The following CORIN variants were observed in gnomAD, a reference collection of about 807,000 sequenced individuals.
CORIN encodes atrial natriuretic peptide-converting enzyme.
In CORIN, 117 loss-of-function variants were observed where a neutral mutation model predicts 125.3. That is an observed-to-expected ratio of 0.93 (90% CI 0.80 to 1.09). CORIN has a LOEUF of 1.09. Ranked by LOEUF, CORIN falls within the 50% of genes least tolerant of loss-of-function variation. The probability of loss-of-function intolerance (pLI) is 0.00; values close to 1 mark genes in which losing one functional copy is unlikely to be tolerated. For missense variants in CORIN, 1,253 were observed against 1,306.7 expected (o/e 0.96, Z 0.63); for synonymous variants, 450 against 466.4 (o/e 0.96, Z 0.45).
At chr4:47,638,336 A>G (rs1723107902) in intron 16 of CORIN, among the ~76,000 whole-genome samples, 1 of 152,132 alleles carries the variant, frequency 6.6e-6, no homozygotes, top group Admixed American at 6.5e-5. Flanking sequence ...GACTACTGGG[A>G]AGGAATGATT....
chr4:47,829,386 C>A (rs184591724), intron 1 of CORIN, among the ~76,000 whole-genome samples: 1 of 152,172 alleles, frequency 6.6e-6, no homozygotes, highest in South Asian at 2.1e-4. Flanking sequence ...ACCTTCTGGA[C>A]CTTCTGGACC....
At chr4:47,817,280 A>G (rs1482779027) in intron 1 of CORIN, among the ~76,000 whole-genome samples, 2 of 121,360 alleles carry the variant, frequency 1.6e-5, no homozygotes, top group African/African-American at 6.8e-5. Flanking sequence ...ACTACTAACT[A>G]TATATATATA....
At chr4:47,725,132 T>G (rs1727530141) in intron 5 of CORIN, among the ~76,000 whole-genome samples, 1 of 152,118 alleles carries the variant, frequency 6.6e-6, no homozygotes, top group Non-Finnish European at 1.5e-5. Flanking sequence ...AAGAAAGACC[T>G]AAATAAATGA....
chr4:47,640,154 A>G (rs1271499020), intron 16 of CORIN, among the ~76,000 whole-genome samples: 1 of 152,202 alleles, frequency 6.6e-6, no homozygotes, highest in Non-Finnish European at 1.5e-5. Flanking sequence ...AAAATACTGA[A>G]GTTTCATTTT....
chr4:47,597,423 A>C (rs1369909701), intron 21 of CORIN, among the ~76,000 whole-genome samples: 1 of 152,036 alleles, frequency 6.6e-6, no homozygotes, highest in African/African-American at 2.4e-5. Context: ...GTAAGTGATG[A>C]TCTTTAAATT....
intron 13 of CORIN, among the ~76,000 whole-genome samples, chr4:47,645,988 G>A (rs1396546820): frequency 7.3e-6 from 1 of 137,926 alleles, no homozygotes; most frequent in Non-Finnish European, 1.5e-5. Flanking sequence ...TCACTCTGTC[G>A]CCCAGGCTGG....
chr4:47,751,053 T>C (rs1444324909), intron 4 of CORIN, among the ~76,000 whole-genome samples: 4 of 152,202 alleles, frequency 2.6e-5, no homozygotes, highest in African/African-American at 2.4e-5. Flanking sequence ...AATGGTTTTG[T>C]TGTTGGTTTG....
intron 15 of CORIN, chr4:47,642,723 A>C: frequency 1.4e-6 from 1 of 729,086 alleles, no homozygotes; most frequent in South Asian, 2.3e-5. Flanking sequence ...CTGTCTGTGT[A>C]AGGAGCTAGA....
intron 5 of CORIN, chr4:47,706,989 A>T: frequency 6.4e-7 from 1 of 1,550,820 alleles, no homozygotes; most frequent in South Asian, 1.2e-5. Context: ...TACCGCTAAT[A>T]CAAGTAAAGT....
At chr4:47,787,586 A>G (rs1730878252) in intron 2 of CORIN, among the ~76,000 whole-genome samples, 1 of 152,214 alleles carries the variant, frequency 6.6e-6, no homozygotes, top group African/African-American at 2.4e-5. Flanking sequence ...CCAGAAAATA[A>G]AAATGTAATT....
intron 16 of CORIN, among the ~76,000 whole-genome samples, chr4:47,634,831 A>G (rs183339264): frequency 6.6e-6 from 1 of 152,292 alleles, no homozygotes; most frequent in East Asian, 1.9e-4. Context: ...TCCCATTTGG[A>G]GCCCAAGGAT....
intron 5 of CORIN, among the ~76,000 whole-genome samples, chr4:47,695,640 C>T (rs1385665193): frequency 6.6e-6 from 1 of 152,178 alleles, no homozygotes; most frequent in Non-Finnish European, 1.5e-5. Context: ...TTTAGGGTAT[C>T]ATAAATTGTT....
chr4:47,700,449 C>T (rs1265362675), intron 5 of CORIN, among the ~76,000 whole-genome samples: 1 of 152,148 alleles, frequency 6.6e-6, no homozygotes, highest in Admixed American at 6.5e-5. Flanking sequence ...ATTCATACTT[C>T]CCCACTCAAA....
At position 47,716,217 on chromosome 4, in the gene CORIN, T is replaced by G. The variant is rs549639328; in HGVS notation, c.800-23134A>C. Among the ~76,000 whole-genome samples the G allele has an allele frequency of 2.4e-4, 37 of 152,364 alleles. 1 individual carries two copies. The South Asian group carries it at 7.7e-3, about 32-fold the overall frequency. On this transcript the variant is annotated intron_variant, in intron 5 of 21. Coordinates refer to ENST00000273857, the MANE Select transcript of CORIN (RefSeq NM_006587.4). Reference sequence around the variant, plus strand: ...ATTGTACCAACTTGCTCCCAACATCTGTTCTGTTTACACAATGACACATTC... The same window carrying G: ...ATTGTACCAACTTGCTCCCAACATCGGTTCTGTTTACACAATGACACATTC...
chr4:47,603,798 T>C lies in CORIN; in HGVS notation c.2541-130A>G, dbSNP rs183857621. 57 of 994,342 alleles carry C rather than the reference T, an allele frequency of 5.7e-5. No homozygotes were observed. The Admixed American group carries it at 1.4e-3, about 25-fold the overall frequency. 61.6% of individuals were successfully genotyped at this position (994,342 alleles called of 1,614,324 possible). A position where few individuals can be genotyped will look rare whatever the true frequency, so the allele number is the denominator to read the frequency against. On this transcript the variant is annotated intron_variant, in intron 19 of 21. Transcript: ENST00000273857. ...TCATGCCCACCTCTCAATGTATTCATATAAGTGGCATTTATATAATAGCCT... is the reference window on the plus strand; with the variant it reads ...TCATGCCCACCTCTCAATGTATTCACATAAGTGGCATTTATATAATAGCCT...
intron 2 of CORIN, among the ~76,000 whole-genome samples, chr4:47,804,652 A>C (rs1003158723): frequency 6.7e-6 from 1 of 149,962 alleles, no homozygotes. Context: ...GGGGCTAAAA[A>C]TCAAAACAAT....
intron 5 of CORIN, among the ~76,000 whole-genome samples, chr4:47,722,247 C>T (rs1042132071): frequency 1.3e-5 from 2 of 152,142 alleles, no homozygotes; most frequent in Non-Finnish European, 2.9e-5. Context: ...GAAGGTGTTT[C>T]CTTAGAGATA....
In CORIN at chr4:47,786,792, G is replaced by A. The variant is rs768987627; in HGVS notation, c.342C>T (p.Pro114=). ...TAGTCCAGGCTGGAACGTGTTGGTC[G>A]GGATGTGCAGTAGACACCACAGTGC... ...NQSTVVSTAH[P]DQHVPAWTTD... is the part of the protein sequence containing the mutation. Residue 114 remains proline, a synonymous_variant, in exon 3 of 22, where the codon CCC becomes CCT. Transcript: ENST00000273857. 1.1e-5 allele frequency: 18 copies of A among 1,614,102 alleles called. No individual in the cohort carries two copies. Among genetic ancestry groups the A allele is most frequent in the South Asian group, 2.2e-5 (2 of 91,070 alleles).
chr4:47,792,420 T>C (rs1323294511), intron 2 of CORIN, among the ~76,000 whole-genome samples: 1 of 152,188 alleles, frequency 6.6e-6, no homozygotes, highest in Non-Finnish European at 1.5e-5. Context: ...TAGAAGGCTA[T>C]TGTAATACTC....
Sources: allele counts gnomAD v4.1 joint callset (sites outside exome capture counted in the v4.1 genomes callset), GRCh38; gene constraint gnomAD v4.1.1; transcripts MANE v1.5; gene names NCBI Gene and HGNC (gene_info 2026-07-23, HGNC 2026-07-21).